Variants in LAMC3 observed in about 807,000 individuals in gnomAD.
LAMC3 encodes the protein laminin subunit gamma-3.
In LAMC3, 128 loss-of-function variants were observed where a neutral mutation model predicts 173.8. That is an observed-to-expected ratio of 0.74 (90% CI 0.64 to 0.85). The LOEUF is 0.85. LAMC3 is among the 40% of genes least tolerant of loss of function. LAMC3 has a pLI of 0.00. For missense variants in LAMC3, 2,022 were observed against 2,156.0 expected, an observed-to-expected ratio of 0.94 and a Z score of 1.23; for synonymous variants, 897 against 909.1, an observed-to-expected ratio of 0.99 and a Z score of 0.24.
Position 131,044,089 on chromosome 9 carries a change from GC to G in LAMC3, c.1383-1434del, listed in dbSNP as rs533090297. ...TTCTCCTGCCTCAGCCTCCTAAGTA[GC>G]TAGGATTATAGGCACCCACCACCAC... is the stretch of plus-strand genomic sequence containing the variant. On this transcript the variant is annotated intron_variant, in intron 7 of 27. Transcript: ENST00000361069. 3.4e-3 allele frequency among the ~76,000 whole-genome samples: 512 copies of G among 151,608 alleles called. 1 individual carries two copies. Among genetic ancestry groups the G allele is most frequent in the African/African-American group, 0.012 (483 of 41,362 alleles).
chr9:131,086,396 T>G (rs766082352), intron 25 of LAMC3, among the ~76,000 whole-genome samples: 4 of 15,876 alleles, frequency 2.5e-4, no homozygotes, highest in African/African-American at 5.3e-4. Flanking sequence ...TTTGGTTTTG[T>G]TTTTTTTTTT....
At chr9:131,033,146 G>A (rs894224785) in intron 3 of LAMC3, among the ~76,000 whole-genome samples, 1 of 152,230 alleles carries the variant, frequency 6.6e-6, no homozygotes, top group African/African-American at 2.4e-5. Context: ...AGGAGGTAGA[G>A]GCCCATCTCT....
At chr9:131,015,267 C>G (rs1236919557) in intron 1 of LAMC3, among the ~76,000 whole-genome samples, 3 of 152,132 alleles carry the variant, frequency 2.0e-5, no homozygotes, top group Non-Finnish European at 2.9e-5. Context: ...GGATGAAGGG[C>G]CCCCAGCCTT....
At chr9:131,089,195 G>A (rs1237365933) in intron 27 of LAMC3, among the ~76,000 whole-genome samples, 2 of 107,586 alleles carry the variant, frequency 1.9e-5, no homozygotes, top group South Asian at 3.7e-4. Context: ...GGAGGGGGGA[G>A]GGATAGCATT....
rs761150123 is a variant in LAMC3, at chr9:131,091,584, C to G, written c.4525C>G (p.Gln1509Glu). Residue 1509 changes from glutamine to glutamate, a missense_variant, in exon 28 of 28, where the codon CAG becomes GAG. By Grantham distance (29) the Gln-to-Glu change is conservative. Coordinates refer to ENST00000361069, the MANE Select transcript of LAMC3 (RefSeq NM_006059.4). ...CCCAGCCCAGGCCCTGAACGAGACT[C>G]AGTGGGCACTAGAACGCCTGAGGCT... The part of the protein sequence containing the change: ...QAPAQALNET[Q>E]WALERLRLQL... 11 of 1,591,346 alleles carry G rather than the reference C, an allele frequency of 6.9e-6. No homozygotes were observed. In the African/African-American group the frequency reaches 1.2e-4, roughly 17 times the overall value.
At chr9:131,017,237 G>T (rs1455963220) in intron 1 of LAMC3, among the ~76,000 whole-genome samples, 1 of 152,184 alleles carries the variant, frequency 6.6e-6, no homozygotes, top group East Asian at 1.9e-4. Flanking sequence ...CACCTCTCGG[G>T]AGGGGAGCTT....
In LAMC3 at chr9:131,045,634, A is replaced by G. The variant is rs1834141754; in HGVS notation, c.1493A>G (p.His498Arg). Residue 498 changes from histidine to arginine, a missense_variant, in exon 8 of 28, where the codon CAT becomes CGT. By Grantham distance (29) the His-to-Arg change is conservative. Transcript: ENST00000361069. ...VCASTAQFQV[H>R]HILSDFHQGA... is the part of the protein sequence containing the mutation. ...GCGTCCACTGCCCAGTTCCAGGTGC[A>G]TCACATCCTCAGCGATTTCCACCAG... The G allele has an allele frequency of 3.1e-6, 5 of 1,614,076 alleles. No individual in the cohort carries two copies. The highest frequency in any genetic ancestry group is 3.4e-6 in the Non-Finnish European group (4 of 1,180,054).
intron 1 of LAMC3, among the ~76,000 whole-genome samples, chr9:131,019,126 G>A (rs1205898519): frequency 6.6e-6 from 1 of 152,226 alleles, no homozygotes; most frequent in Non-Finnish European, 1.5e-5. Flanking sequence ...GCCAGGCTTG[G>A]TGGTGCACGC....
Position 131,036,119 on chromosome 9 carries a change from C to G in LAMC3, c.810-47C>G, listed in dbSNP as rs181085879. 97 of 1,606,508 alleles carry G rather than the reference C, an allele frequency of 6.0e-5. 2 individuals are homozygous for G. The African/African-American group carries it at 1.0e-3, about 17-fold the overall frequency. Reference sequence around the variant, plus strand: ...ACCTGGTGACTAACTCCTTGTCTGCCCTGCCGGCACCTGCGGGTCCCCTTC... The same window carrying G: ...ACCTGGTGACTAACTCCTTGTCTGCGCTGCCGGCACCTGCGGGTCCCCTTC... On this transcript the variant is annotated intron_variant, in intron 3 of 27. Transcript: ENST00000361069.
intron 15 of LAMC3, 73 bp downstream of exon 15, chr9:131,068,304 G>A: frequency 2.7e-6 from 4 of 1,503,614 alleles, no homozygotes; most frequent in Non-Finnish European, 3.6e-6. Flanking sequence ...AGCCCCCAGG[G>A]AGGGGCCTGG....
chr9:131,021,388 C>T (rs1050438417), intron 1 of LAMC3: 1 of 152,152 alleles, frequency 6.6e-6, no homozygotes, highest in South Asian at 2.1e-4. Context: ...CATGAGGGTT[C>T]CAGTTTCTCC....
chr9:131,062,753 C>T (rs1829854988), intron 13 of LAMC3, among the ~76,000 whole-genome samples: 1 of 151,906 alleles, frequency 6.6e-6, no homozygotes, highest in East Asian at 1.9e-4. Context: ...CCTGTAATCC[C>T]AGCTACTCGG....
intron 8 of LAMC3, among the ~76,000 whole-genome samples, chr9:131,048,254 G>C (rs1181697147): frequency 6.6e-6 from 1 of 151,734 alleles, no homozygotes; most frequent in Non-Finnish European, 1.5e-5. Flanking sequence ...ATGGGGTTTC[G>C]CCATGTTGGC....
chr9:131,066,537 G>A (rs1829936032), intron 13 of LAMC3, among the ~76,000 whole-genome samples: 1 of 152,016 alleles, frequency 6.6e-6, no homozygotes, highest in Non-Finnish European at 1.5e-5. Flanking sequence ...TGATGAAGAA[G>A]GTCATGGTGA....
rs1442101905 is a variant in LAMC3, at chr9:131,094,302, C to T, written c.*2515C>T. The T allele has an allele frequency of 2.0e-5, 3 of 152,340 alleles. No individual in the cohort carries two copies. The highest frequency in any genetic ancestry group is 1.9e-4 in the East Asian group (1 of 5,188). 9.4% of individuals were successfully genotyped at this position (152,340 alleles called of 1,614,324 possible). A position where few individuals can be genotyped will look rare whatever the true frequency, so the allele number is the denominator to read the frequency against. On this transcript the variant is annotated 3_prime_UTR_variant, in exon 28 of 28. Coordinates refer to ENST00000361069, the MANE Select transcript of LAMC3 (RefSeq NM_006059.4). Reference sequence around the variant, plus strand: ...TCAGCTTAGGTGAAGTCCCACCAACCCCCGTTCAGGATAATGAGGATCTCT... The same window carrying T: ...TCAGCTTAGGTGAAGTCCCACCAACTCCCGTTCAGGATAATGAGGATCTCT...
At chr9:131,084,288 G>A (rs975756219) in intron 24 of LAMC3, among the ~76,000 whole-genome samples, 3 of 152,128 alleles carry the variant, frequency 2.0e-5, no homozygotes, top group Non-Finnish European at 4.4e-5. Flanking sequence ...ATAGCTCACT[G>A]TAGCCTCCAA....
At chr9:131,032,568 T>TGCTCTCTCTCGCTCTCTCTCTC (rs1491316930) in intron 3 of LAMC3, among the ~76,000 whole-genome samples, 7 of 118,784 alleles carry the variant, frequency 5.9e-5, no homozygotes, top group Admixed American at 5.7e-4. Flanking sequence ...CTCTCTCTCT[T>TGCTCTCTCTCGCTCTCTCTCTC]GCTCTCTCTC....
intron 1 of LAMC3, among the ~76,000 whole-genome samples, chr9:131,013,291 C>CTGGGAGGAACAGTA (rs1833457109): frequency 6.6e-6 from 1 of 152,136 alleles, no homozygotes; most frequent in Non-Finnish European, 1.5e-5. Context: ...AGCCTCGGTC[C>CTGGGAGGAACAGTA]TGGGAGGAAC....
chr9:131,088,850 G>C (rs770538508), intron 27 of LAMC3, among the ~76,000 whole-genome samples: 1 of 152,060 alleles, frequency 6.6e-6, no homozygotes, highest in Non-Finnish European at 1.5e-5. Context: ...GAGAGGCTAA[G>C]GTGGGTGGAT....
Sources: gnomAD v4.1 joint callset for allele counts (sites outside exome capture counted in the v4.1 genomes callset) on GRCh38, gnomAD v4.1.1 for gene constraint, MANE v1.5 for transcripts, NCBI Gene and HGNC (gene_info 2026-07-23, HGNC 2026-07-21) for gene names.